HS3ST3A1: variants seen among roughly 807,000 people sequenced by gnomAD.
The protein encoded by HS3ST3A1 is heparan sulfate glucosamine 3-O-sulfotransferase 3A1.
HS3ST3A1 carries 19 observed loss-of-function variants against 25.7 expected under a neutral mutation model. That is an observed-to-expected ratio of 0.74 (90% CI 0.52 to 1.08). HS3ST3A1 has a LOEUF of 1.08. HS3ST3A1 is among the 50% of genes least tolerant of loss of function. The probability of loss-of-function intolerance (pLI) is 0.00; values close to 1 mark genes in which losing one functional copy is unlikely to be tolerated. For missense variants in HS3ST3A1, 459 were observed against 594.3 expected (o/e 0.77, Z 2.37); for synonymous variants, 226 against 278.6 (o/e 0.81, Z 1.88).
chr17:13,538,829 A>C (rs1906843748), intron 1 of HS3ST3A1, among the ~76,000 whole-genome samples: 1 of 152,122 alleles, frequency 6.6e-6, no homozygotes, highest in South Asian at 2.1e-4. Flanking sequence ...TATAAAACAA[A>C]ATCTATCAGA....
Position 13,538,587 on chromosome 17 carries a change from C to G in HS3ST3A1, c.600-41769G>C, listed in dbSNP as rs138421418. The stretch of plus-strand genomic sequence containing the variant: ...GAAAACCGAATGCCAGCATAATACT[C>G]TGACCCACATTTCTGACCACTCCTG... On this transcript the variant is annotated intron_variant, in intron 1 of 1. Transcript: ENST00000284110. Among the ~76,000 whole-genome samples, 306 of 152,260 alleles carry G rather than the reference C, an allele frequency of 2.0e-3. 4 individuals carry two copies. Among genetic ancestry groups the G allele is most frequent in the African/African-American group, 6.5e-3 (272 of 41,558 alleles).
intron 1 of HS3ST3A1, among the ~76,000 whole-genome samples, chr17:13,504,447 T>C (rs760450518): frequency 1.3e-5 from 2 of 152,106 alleles, no homozygotes; most frequent in African/African-American, 2.4e-5. Context: ...ATCTATCCCA[T>C]TCAATATCAA....
chr17:13,556,514 G>GAAATAAAATAAAATAAAATA (rs71369397), intron 1 of HS3ST3A1, among the ~76,000 whole-genome samples: 15,652 of 145,674 alleles, frequency 0.11, 951 homozygotes, highest in Non-Finnish European at 0.12. Context: ...TCTCAAAAAA[G>GAAATAAAATAAAATAAAATA]AAATAAAATA....
At chr17:13,593,651 A>G (rs940507358) in intron 1 of HS3ST3A1, among the ~76,000 whole-genome samples, 5 of 152,246 alleles carry the variant, frequency 3.3e-5, no homozygotes, top group Non-Finnish European at 7.3e-5. Context: ...GGATTTCAGT[A>G]TGAGCCCTCA....
chr17:13,501,061 A>G (rs1905458054), intron 1 of HS3ST3A1, among the ~76,000 whole-genome samples: 1 of 152,234 alleles, frequency 6.6e-6, no homozygotes, highest in African/African-American at 2.4e-5. Context: ...GGGGTACTCA[A>G]ATTCATTGAG....
At chr17:13,516,560 T>C (rs1424216843) in intron 1 of HS3ST3A1, among the ~76,000 whole-genome samples, 1 of 152,220 alleles carries the variant, frequency 6.6e-6, no homozygotes, top group Non-Finnish European at 1.5e-5. Context: ...CATGAAGCCT[T>C]AATAAAGCTT....
chr17:13,534,628 T>C (rs1466893848), intron 1 of HS3ST3A1, among the ~76,000 whole-genome samples: 1 of 138,770 alleles, frequency 7.2e-6, no homozygotes, highest in Non-Finnish European at 1.5e-5. Context: ...CCTGGGAGAA[T>C]GAGGTGGTAG....
At chr17:13,523,738 T>C (rs193003887) in intron 1 of HS3ST3A1, among the ~76,000 whole-genome samples, 2 of 152,366 alleles carry the variant, frequency 1.3e-5, no homozygotes, top group African/African-American at 4.8e-5. Flanking sequence ...ACAGAGAGTT[T>C]TAGCAACTTG....
intron 1 of HS3ST3A1, among the ~76,000 whole-genome samples, chr17:13,593,220 CTATG>C (rs758246574): frequency 2.7e-5 from 3 of 112,340 alleles, no homozygotes; most frequent in South Asian, 2.7e-4. Flanking sequence ...CCTGTTCCTT[CTATG>C]TTTGTAGCCA....
In HS3ST3A1 at chr17:13,507,843, G is replaced by A. The variant is rs182998901; in HGVS notation, c.600-11025C>T. On this transcript the variant is annotated intron_variant, in intron 1 of 1. Transcript: ENST00000284110. ...AAGAAGGTAGTTCCTGTGGGTCCTC[G>A]ATGGTGTGTGTCTGGGAGCAGGGGA... Among the ~76,000 whole-genome samples the A allele has an allele frequency of 3.0e-3, 459 of 152,250 alleles. 3 individuals carry two copies. The highest frequency in any genetic ancestry group is 0.01 in the African/African-American group (431 of 41,544).
intron 1 of HS3ST3A1, among the ~76,000 whole-genome samples, chr17:13,585,592 A>G (rs1908237700): frequency 6.6e-6 from 1 of 151,700 alleles, no homozygotes; most frequent in South Asian, 2.1e-4. Flanking sequence ...TGCATGGTAT[A>G]GACTACAGAA....
chr17:13,601,402 C>T lies in HS3ST3A1; in HGVS notation c.-273G>A. 2.5e-6 allele frequency: 1 copy of T among 394,306 alleles called. No homozygotes were observed. The highest frequency in any genetic ancestry group is 4.5e-6 in the Non-Finnish European group (1 of 223,132). The allele number at this position is 394,306 out of a possible 1,614,324, so 24.4% of individuals were successfully genotyped here. A position where few individuals can be genotyped will look rare whatever the true frequency, so the allele number is the denominator to read the frequency against. On this transcript the variant is annotated 5_prime_UTR_variant, in exon 1 of 2. Transcript: ENST00000284110. ...AAGAAACCATCGTCTTAGACTCGCC[C>T]AAGTCCTGAGCTTGGGGCAGCCTTG...
Position 13,532,189 on chromosome 17 carries a change from G to T in HS3ST3A1, c.600-35371C>A, listed in dbSNP as rs142214037. On this transcript the variant is annotated intron_variant, in intron 1 of 1. Coordinates refer to ENST00000284110, the MANE Select transcript of HS3ST3A1 (RefSeq NM_006042.3). ...CTTCTCTGGCAGTTCTGTTTCAGAT[G>T]AAGACGGGCTGCTGAACACAGGATC... Among the ~76,000 whole-genome samples, 27 of 152,312 alleles carry T rather than the reference G, an allele frequency of 1.8e-4. No homozygotes were observed. The East Asian group carries it at 5.2e-3, about 29-fold the overall frequency.
chr17:13,588,379 A>G (rs1386166435), intron 1 of HS3ST3A1, among the ~76,000 whole-genome samples: 1 of 152,182 alleles, frequency 6.6e-6, no homozygotes, highest in Non-Finnish European at 1.5e-5. Flanking sequence ...ATGGGCATAT[A>G]GGGTTAAAAG....
At chr17:13,565,617 A>C (rs746831406) in intron 1 of HS3ST3A1, among the ~76,000 whole-genome samples, 1 of 152,234 alleles carries the variant, frequency 6.6e-6, no homozygotes, top group Non-Finnish European at 1.5e-5. Context: ...TAATTTTACC[A>C]TTGGTAAAAC....
chr17:13,537,097 C>T (rs763787955), intron 1 of HS3ST3A1, among the ~76,000 whole-genome samples: 7 of 152,202 alleles, frequency 4.6e-5, no homozygotes, highest in African/African-American at 9.7e-5. Context: ...ATCCATCCAT[C>T]CATCTGCCTA....
chr17:13,497,898 C>T (rs968347088), intron 1 of HS3ST3A1, among the ~76,000 whole-genome samples: 4 of 152,036 alleles, frequency 2.6e-5, no homozygotes, highest in African/African-American at 4.8e-5. Flanking sequence ...GTTTTTATTT[C>T]GCATCTGCAA....
At chr17:13,544,820 C>G (rs925973999) in intron 1 of HS3ST3A1, among the ~76,000 whole-genome samples, 8 of 151,854 alleles carry the variant, frequency 5.3e-5, no homozygotes, top group African/African-American at 1.9e-4. Flanking sequence ...AGAAAGGAAC[C>G]CTGATTGGAG....
intron 1 of HS3ST3A1, among the ~76,000 whole-genome samples, chr17:13,537,608 T>C (rs535012417): frequency 1.3e-5 from 2 of 152,360 alleles, no homozygotes; most frequent in East Asian, 3.9e-4. Flanking sequence ...GTATTGCGCC[T>C]ATAATTCAGT....
Sources: gnomAD v4.1 joint callset for allele counts (sites outside exome capture counted in the v4.1 genomes callset) on GRCh38, gnomAD v4.1.1 for gene constraint, MANE v1.5 for transcripts, NCBI Gene and HGNC (gene_info 2026-07-23, HGNC 2026-07-21) for gene names.